Variants in POLQ observed in about 807,000 individuals in gnomAD.
The protein encoded by POLQ is epididymis secretory sperm binding protein.
Under a neutral mutation model 259.2 loss-of-function variants are expected in POLQ, and 233 were observed. The observed-to-expected ratio is 0.90, with a 90% CI of 0.81 to 1.00. The LOEUF (loss-of-function observed/expected upper bound fraction) is 1.00. Ranked by LOEUF, POLQ falls within the 50% of genes least tolerant of loss-of-function variation. The pLI is 0.00. For synonymous variants in POLQ, 1,025 were observed against 1,048.8 expected (o/e 0.98, Z 0.44); for missense variants, 2,871 against 3,051.6 (o/e 0.94, Z 1.39).
At chr3:121,494,581 A>G in intron 14 of POLQ, 1 of 1,573,632 alleles carries the variant, frequency 6.4e-7, no homozygotes, top group South Asian at 1.1e-5. Context: ...TGGTGATTGC[A>G]CACAACGCGG....
In POLQ at chr3:121,489,562, T is replaced by C. The variant is rs367608691; in HGVS notation, c.3369A>G (p.Ser1123=). 239 of 1,612,828 alleles carry C rather than the reference T, an allele frequency of 1.5e-4. No homozygotes were observed. In the Middle Eastern group the frequency reaches 2.1e-3, roughly 14 times the overall value. The change falls in exon 16 of 30, where the codon TCA becomes TCG. Residue 1123 remains serine (S), a synonymous_variant. Coordinates refer to ENST00000264233, the MANE Select transcript of POLQ (RefSeq NM_199420.4). ...SFPLQIKQNC[S]WNITLTNDNF... ...TATCATTAGTTAGTGTTATGTTCCATGAACAATTTTGCTTTATTTGTAATG... is the reference window on the plus strand; with the variant it reads ...TATCATTAGTTAGTGTTATGTTCCACGAACAATTTTGCTTTATTTGTAATG...
chr3:121,499,345 T>C (rs532612889), intron 12 of POLQ, among the ~76,000 whole-genome samples: 2 of 151,544 alleles, frequency 1.3e-5, no homozygotes, highest in Admixed American at 1.3e-4. Context: ...TTCAACCTCC[T>C]GTGCTCAAGC....
chr3:121,526,894 C>CGT (rs1560107338), intron 7 of POLQ, among the ~76,000 whole-genome samples: 2 of 118,830 alleles, frequency 1.7e-5, no homozygotes, highest in Non-Finnish European at 3.7e-5. Context: ...TGTGTGTGCG[C>CGT]GCGCGCACGC....
intron 16 of POLQ, among the ~76,000 whole-genome samples, chr3:121,485,536 C>A (rs2048004585): frequency 6.6e-6 from 1 of 152,064 alleles, no homozygotes; most frequent in South Asian, 2.1e-4. Context: ...CTAAGAAACT[C>A]CAGAAAAATA....
chr3:121,522,609 C>G (rs961750726), intron 7 of POLQ, among the ~76,000 whole-genome samples: 2 of 152,134 alleles, frequency 1.3e-5, no homozygotes, highest in Admixed American at 6.5e-5. Context: ...CCGCGCCCGG[C>G]TGGAGATCTT....
At chr3:121,435,377 T>C (rs2047534367) in intron 28 of POLQ, among the ~76,000 whole-genome samples, 2 of 152,110 alleles carry the variant, frequency 1.3e-5, no homozygotes, top group East Asian at 3.8e-4. Flanking sequence ...GGAACATATG[T>C]GATAAAGAGA....
At chr3:121,537,025 C>T (rs2048455957) in intron 5 of POLQ, 75 bp downstream of exon 5, 2 of 768,238 alleles carry the variant, frequency 2.6e-6, no homozygotes, top group Non-Finnish European at 4.7e-6. Context: ...TTATTTAACT[C>T]ATACTTATGC....
Position 121,490,193 on chromosome 3 carries a change from T to G in POLQ, c.2738A>C (p.His913Pro). The change falls in exon 16 of 30, where the codon CAT becomes CCT. Residue 913 changes from histidine to proline, a missense_variant. By Grantham distance (77) the His-to-Pro change is moderately conservative (BLOSUM62 -2). Transcript: ENST00000264233. ...LLHSSTCSLT[H>P]SESEVKEHTF... is the part of the protein sequence containing the mutation. ...GTGTTCCTTTACTTCGGACTCACTA[T>G]GAGTCAATGAGCATGTACTAGAATG... 6.2e-7 allele frequency: 1 copy of G among 1,613,714 alleles called. No individual in the cohort carries two copies. Among genetic ancestry groups the G allele is most frequent in the Non-Finnish European group, 8.5e-7 (1 of 1,179,644 alleles).
Position 121,541,985 on chromosome 3 carries a change from A to T in POLQ, c.344-506T>A, listed in dbSNP as rs1055377257. Among the ~76,000 whole-genome samples the T allele has an allele frequency of 9.9e-5, 15 of 152,098 alleles. No individual in the cohort carries two copies. The East Asian group carries it at 2.9e-3, about 29-fold the overall frequency. ...ATTACTATAAAAATAACAAAAAAAA[A>T]AATAGCTGGGCGTGGTGGCGGGCAC... On this transcript the variant is annotated intron_variant, in intron 2 of 29. Coordinates refer to ENST00000264233, the MANE Select transcript of POLQ (RefSeq NM_199420.4).
At chr3:121,440,564 G>A (rs183284307) in intron 26 of POLQ, among the ~76,000 whole-genome samples, 34 of 152,252 alleles carry the variant, frequency 2.2e-4, no homozygotes, top group African/African-American at 8.2e-4. Context: ...TCAAACATCT[G>A]AGCTCAAGCG....
intron 27 of POLQ, among the ~76,000 whole-genome samples, chr3:121,439,708 A>C (rs1216939554): frequency 6.6e-6 from 1 of 152,272 alleles, no homozygotes; most frequent in African/African-American, 2.4e-5. Context: ...TTTACAACTT[A>C]GTACCTAAGC....
chr3:121,455,934 G>T (rs986100352), intron 25 of POLQ, among the ~76,000 whole-genome samples: 1 of 151,922 alleles, frequency 6.6e-6, no homozygotes, highest in African/African-American at 2.4e-5. Context: ...AACCAAAAAA[G>T]AGAATTTTAG....
intron 14 of POLQ, chr3:121,494,526 T>C (rs1163262302): frequency 5.7e-6 from 9 of 1,575,394 alleles, no homozygotes; most frequent in Non-Finnish European, 6.9e-6. Context: ...CGAACAGGAG[T>C]TAACACCGTC....
At chr3:121,504,121 TGAAAA>T (rs545468155) in intron 12 of POLQ, among the ~76,000 whole-genome samples, 103 of 151,998 alleles carry the variant, frequency 6.8e-4, no homozygotes, top group African/African-American at 2.3e-3. Flanking sequence ...GCTGAAAGAA[TGAAAA>T]GAAAACAAAA....
chr3:121,517,024 C>T (rs1017952902), intron 9 of POLQ, among the ~76,000 whole-genome samples: 1 of 152,162 alleles, frequency 6.6e-6, no homozygotes, highest in Admixed American at 6.5e-5. Context: ...TGTTCTTTCC[C>T]ATAATAAATA....
At chr3:121,542,079 T>A (rs538835400) in intron 2 of POLQ, among the ~76,000 whole-genome samples, 1 of 148,952 alleles carries the variant, frequency 6.7e-6, no homozygotes, top group East Asian at 2.0e-4. Context: ...GAGGTTGCAG[T>A]GAGCCGAGAT....
chr3:121,501,711 G>A (rs535551175), intron 12 of POLQ, among the ~76,000 whole-genome samples: 2 of 148,726 alleles, frequency 1.3e-5, no homozygotes, highest in South Asian at 4.3e-4. Context: ...CAGGCGCAGC[G>A]GCTCATGCCT....
At chr3:121,545,640 G>A (rs1031074231) in intron 1 of POLQ, 75 bp downstream of exon 1, 9 of 1,387,228 alleles carry the variant, frequency 6.5e-6, no homozygotes, top group Non-Finnish European at 7.7e-6. Flanking sequence ...AGTCCCGTGG[G>A]GTGAGGACAC....
intron 25 of POLQ, among the ~76,000 whole-genome samples, chr3:121,451,295 G>A (rs1206197321): frequency 6.6e-6 from 1 of 152,216 alleles, no homozygotes; most frequent in African/African-American, 2.4e-5. Context: ...ACTTGTCAAA[G>A]TTATTCTCCG....
Sources: allele counts gnomAD v4.1 joint callset (sites outside exome capture counted in the v4.1 genomes callset), GRCh38; gene constraint gnomAD v4.1.1; transcripts MANE v1.5; gene names NCBI Gene and HGNC (gene_info 2026-07-23, HGNC 2026-07-21).